Variants in BANK1 observed in about 807,000 individuals in gnomAD.
The protein encoded by BANK1 is B-cell scaffold protein with ankyrin repeats.
BANK1 carries 95 observed loss-of-function variants against 94.5 expected under a neutral mutation model. The observed-to-expected ratio is 1.00, with a 90% CI of 0.85 to 1.19. BANK1 has a LOEUF of 1.19. BANK1 is among the 50% of genes most tolerant of loss of function. The probability of loss-of-function intolerance (pLI) is 0.00; values close to 1 mark genes in which losing one functional copy is unlikely to be tolerated. For synonymous variants in BANK1, 334 were observed against 308.4 expected, an observed-to-expected ratio of 1.08 and a Z score of -0.87; for missense variants, 987 against 932.2, an observed-to-expected ratio of 1.06 and a Z score of -0.77.
intron 6 of BANK1, among the ~76,000 whole-genome samples, chr4:101,904,989 T>C (rs180957635): frequency 1.3e-5 from 2 of 152,232 alleles, no homozygotes; most frequent in African/African-American, 2.4e-5. Flanking sequence ...ATTTACCCAA[T>C]AAGCTGCTTT....
At chr4:102,069,069 A>T (rs1374583253) in intron 13 of BANK1, among the ~76,000 whole-genome samples, 1 of 152,190 alleles carries the variant, frequency 6.6e-6, no homozygotes, top group Admixed American at 6.5e-5. Flanking sequence ...AATGGAATAT[A>T]AGCAAAAAAA....
At chr4:101,962,769 A>T (rs1426403734) in intron 7 of BANK1, among the ~76,000 whole-genome samples, 3 of 152,168 alleles carry the variant, frequency 2.0e-5, no homozygotes, top group Non-Finnish European at 4.4e-5. Context: ...ATATATTTTT[A>T]AAATATATTT....
intron 7 of BANK1, among the ~76,000 whole-genome samples, chr4:101,973,113 T>C (rs1229777510): frequency 6.6e-6 from 1 of 151,968 alleles, no homozygotes; most frequent in Non-Finnish European, 1.5e-5. Context: ...TAGAGTATTG[T>C]ACATTCCAAA....
chr4:101,840,007 C>T (rs1726980925), intron 2 of BANK1, among the ~76,000 whole-genome samples: 1 of 99,866 alleles, frequency 1.0e-5, no homozygotes, highest in Non-Finnish European at 1.8e-5. Context: ...CTCGCTCTGT[C>T]GCCCAGGCTG....
intron 10 of BANK1, among the ~76,000 whole-genome samples, chr4:102,037,925 G>A (rs886348378): frequency 6.6e-6 from 1 of 152,014 alleles, no homozygotes; most frequent in Admixed American, 6.6e-5. Context: ...CTTTTGCATG[G>A]GTTTCATATG....
At chr4:101,998,960 T>A (rs1725969845) in intron 7 of BANK1, among the ~76,000 whole-genome samples, 1 of 152,170 alleles carries the variant, frequency 6.6e-6, no homozygotes, top group South Asian at 2.1e-4. Context: ...AACAGCCTGA[T>A]AAAGGGTGCA....
At chr4:101,861,814 C>A (rs892524504) in intron 3 of BANK1, among the ~76,000 whole-genome samples, 1 of 151,988 alleles carries the variant, frequency 6.6e-6, no homozygotes, top group East Asian at 1.9e-4. Context: ...CCTTTCTTTT[C>A]TCTGTATTAA....
chr4:101,963,540 G>A (rs1042813856), intron 7 of BANK1, among the ~76,000 whole-genome samples: 5 of 152,010 alleles, frequency 3.3e-5, no homozygotes, highest in African/African-American at 4.8e-5. Flanking sequence ...GGTATTAGTA[G>A]CCAGCTTTTG....
intron 5 of BANK1, among the ~76,000 whole-genome samples, chr4:101,876,766 A>G (rs114163845): frequency 1.8e-4 from 28 of 152,328 alleles, no homozygotes; most frequent in Non-Finnish European, 3.2e-4. Flanking sequence ...AACTCAAAAT[A>G]GCTGTTTTGA....
intron 8 of BANK1, among the ~76,000 whole-genome samples, chr4:102,023,984 A>G (rs533588322): frequency 6.6e-6 from 1 of 152,328 alleles, no homozygotes; most frequent in Non-Finnish European, 1.5e-5. Flanking sequence ...GATAGATTGT[A>G]CAAAAACAAA....
intron 7 of BANK1, among the ~76,000 whole-genome samples, chr4:102,015,661 C>G (rs1209328957): frequency 1.3e-5 from 2 of 152,140 alleles, no homozygotes; most frequent in Non-Finnish European, 2.9e-5. Flanking sequence ...AGACAGTGAG[C>G]TGAGCAGAAA....
At chr4:101,988,341 A>C (rs529862601) in intron 7 of BANK1, among the ~76,000 whole-genome samples, 201 of 152,248 alleles carry the variant, frequency 1.3e-3, no homozygotes, top group Non-Finnish European at 2.1e-3. Flanking sequence ...TAGCACTGAA[A>C]TTGCCTATAA....
At chr4:101,969,468 G>C (rs1724881459) in intron 7 of BANK1, among the ~76,000 whole-genome samples, 2 of 151,960 alleles carry the variant, frequency 1.3e-5, no homozygotes, top group South Asian at 4.1e-4. Context: ...AAAGAGTCTT[G>C]ATAAATGTTA....
chr4:101,920,385 C>G (rs1270019642), intron 7 of BANK1, among the ~76,000 whole-genome samples: 2 of 151,856 alleles, frequency 1.3e-5, no homozygotes, highest in Non-Finnish European at 2.9e-5. Context: ...AAGACACTAT[C>G]TATTCTAAAT....
intron 11 of BANK1, among the ~76,000 whole-genome samples, chr4:102,052,972 A>G (rs528734629): frequency 6.6e-6 from 1 of 152,352 alleles, no homozygotes; most frequent in African/African-American, 2.4e-5. Flanking sequence ...AAGAGGAAGT[A>G]TGATAAAAAT....
chr4:101,844,598 G>T (rs780487039), intron 2 of BANK1, among the ~76,000 whole-genome samples: 1 of 152,202 alleles, frequency 6.6e-6, no homozygotes, highest in Non-Finnish European at 1.5e-5. Flanking sequence ...AGAGGGTTTG[G>T]AGTCAGACAG....
chr4:102,072,437 AG>A, intron 15 of BANK1, 37 bp downstream of exon 15: 1 of 1,448,550 alleles, frequency 6.9e-7, no homozygotes, highest in Non-Finnish European at 9.6e-7. Flanking sequence ...TAAAATGCAA[AG>A]AAATAACTTC....
At chr4:101,837,880 TCCTCTC>T (rs760201034) in intron 2 of BANK1, among the ~76,000 whole-genome samples, 52 of 151,828 alleles carry the variant, frequency 3.4e-4, no homozygotes, top group African/African-American at 6.3e-4. Flanking sequence ...ATAGCTTTTC[TCCTCTC>T]CCTCTCCCTC....
intron 10 of BANK1, among the ~76,000 whole-genome samples, chr4:102,039,390 C>A (rs1325381414): frequency 2.0e-5 from 3 of 152,096 alleles, no homozygotes; most frequent in African/African-American, 7.2e-5. Flanking sequence ...TCAGATTAAT[C>A]AACATGACTG....
Sources: allele counts gnomAD v4.1 joint callset (sites outside exome capture counted in the v4.1 genomes callset), GRCh38; gene constraint gnomAD v4.1.1; transcripts MANE v1.5; gene names NCBI Gene and HGNC (gene_info 2026-07-23, HGNC 2026-07-21).